Variants in IL1R1 observed in about 807,000 individuals in gnomAD.
IL1R1 encodes the protein interleukin 1 receptor type 1, also known as interleukin-1 receptor type 1.
IL1R1 carries 22 observed loss-of-function variants against 50.2 expected under a neutral mutation model. That is an observed-to-expected ratio of 0.44 (90% CI 0.31 to 0.63). The LOEUF (loss-of-function observed/expected upper bound fraction) is 0.63, where lower values mean the gene tolerates loss of function less well. Among genes scored for constraint, IL1R1 ranks in the 20% least tolerant of loss-of-function variants. IL1R1 has a pLI of 0.07. For missense variants in IL1R1, 509 were observed against 676.2 expected, an observed-to-expected ratio of 0.75 and a Z score of 2.74; for synonymous variants, 251 against 236.7, an observed-to-expected ratio of 1.06 and a Z score of -0.55.
rs1160688509 is a variant in IL1R1, at chr2:102,177,420, C to T, written c.*661C>T. 6.4e-6 allele frequency: 1 copy of T among 155,046 alleles called. No individual in the cohort carries two copies. Among genetic ancestry groups the T allele is most frequent in the Admixed American group, 6.5e-5 (1 of 15,350 alleles). 9.6% of individuals were successfully genotyped at this position (155,046 alleles called of 1,614,324 possible). ...GCCCAAGGGCGGGGCTATGCCTTGT[C>T]TGGGGACCCTGTAGAGTCACTGACC... On this transcript the variant is annotated 3_prime_UTR_variant, in exon 12 of 12. Coordinates refer to ENST00000410023, the MANE Select transcript of IL1R1 (RefSeq NM_000877.4).
rs189724783 is a variant in IL1R1 at position 102,108,667 on chromosome 2, G to A, written c.-84+3795G>A. On this transcript the variant is annotated intron_variant, in intron 1 of 10. Coordinates refer to the IL1R1 transcript ENST00000409329. ...AAAAAACCTAAATGGAGCTTTTCTAGGGGCAACTGGTTATTTATTTCGTTT... is the reference window on the plus strand; with the variant it reads ...AAAAAACCTAAATGGAGCTTTTCTAAGGGCAACTGGTTATTTATTTCGTTT... 1.7e-4 allele frequency among the ~76,000 whole-genome samples: 26 copies of A among 152,190 alleles called. 1 individual carries two copies. Among genetic ancestry groups the A allele is most frequent in the Admixed American group, 1.5e-3 (23 of 15,278 alleles).
intron 1 of IL1R1, among the ~76,000 whole-genome samples, chr2:102,080,008 G>GGTGCT: frequency 6.6e-6 from 1 of 152,076 alleles, no homozygotes; most frequent in Non-Finnish European, 1.5e-5. Context: ...CTTAATAAAA[G>GGTGCT]GTGATGGGAC....
intron 1 of IL1R1, among the ~76,000 whole-genome samples, chr2:102,112,747 G>A (rs577928299): frequency 3.3e-5 from 5 of 152,228 alleles, no homozygotes; most frequent in Admixed American, 1.3e-4. Context: ...TTTTTTAGGC[G>A]TTGGGTTTTC....
chr2:102,120,967 C>T (rs2104391741), intron 1 of IL1R1, among the ~76,000 whole-genome samples: 1 of 152,326 alleles, frequency 6.6e-6, no homozygotes, highest in Admixed American at 6.5e-5. Flanking sequence ...ACAGTTCACT[C>T]TAAATCTCAG....
chr2:102,175,097 C>CTT (rs1686007132), intron 10 of IL1R1, among the ~76,000 whole-genome samples: 1 of 148,042 alleles, frequency 6.8e-6, no homozygotes, highest in Non-Finnish European at 1.5e-5. Context: ...GGGAGGTTCT[C>CTT]TCTCTCCTTT....
At chr2:102,144,623 TACG>T (rs950615188) in intron 1 of IL1R1, among the ~76,000 whole-genome samples, 116 of 152,298 alleles carry the variant, frequency 7.6e-4, no homozygotes, top group African/African-American at 2.7e-3. Flanking sequence ...CAGCGGTGAA[TACG>T]ACAAGTGAAA....
At chr2:102,173,306 G>A (rs1361026878) in intron 9 of IL1R1, among the ~76,000 whole-genome samples, 1 of 152,152 alleles carries the variant, frequency 6.6e-6, no homozygotes, top group Non-Finnish European at 1.5e-5. Flanking sequence ...TGGGTTTCAT[G>A]AATTGGTATA....
intron 1 of IL1R1, among the ~76,000 whole-genome samples, chr2:102,080,134 T>G (rs1679143383): frequency 6.6e-6 from 1 of 152,100 alleles, no homozygotes; most frequent in Non-Finnish European, 1.5e-5. Context: ...GCAAAACTCT[T>G]AGAAGGAAAT....
intron 1 of IL1R1, among the ~76,000 whole-genome samples, chr2:102,124,683 C>T (rs535806138): frequency 2.0e-4 from 30 of 151,680 alleles, no homozygotes; most frequent in African/African-American, 6.3e-4. Flanking sequence ...TTTGAGAGGC[C>T]GAGGCAGGTG....
At chr2:102,175,388 T>C in intron 10 of IL1R1, 90 bp from the exon 11 acceptor site, 1 of 969,490 alleles carries the variant, frequency 1.0e-6, no homozygotes, top group Non-Finnish European at 1.6e-6. Flanking sequence ...AGATGAATAG[T>C]TCATTATGTA....
chr2:102,138,467 G>C (rs969657732), upstream of IL1R1, among the ~76,000 whole-genome samples: 2 of 152,154 alleles, frequency 1.3e-5, no homozygotes, highest in South Asian at 4.1e-4. Context: ...ACCGTCTTAT[G>C]AAATATGTCA....
At chr2:102,169,487 T>G (rs974592802) in intron 7 of IL1R1, among the ~76,000 whole-genome samples, 15 of 152,204 alleles carry the variant, frequency 9.9e-5, no homozygotes, top group African/African-American at 3.4e-4. Context: ...AGCACAAATA[T>G]AGAACATTTC....
intron 1 of IL1R1, among the ~76,000 whole-genome samples, chr2:102,093,671 C>A (rs547285932): frequency 6.6e-6 from 1 of 152,290 alleles, no homozygotes; most frequent in Non-Finnish European, 1.5e-5. Context: ...ATATTTCTTG[C>A]CCATTTTTCA....
chr2:102,131,585 T>C (rs531017683), intron 1 of IL1R1, among the ~76,000 whole-genome samples: 27 of 151,858 alleles, frequency 1.8e-4, no homozygotes, highest in Non-Finnish European at 3.1e-4. Context: ...ATGAGATTAA[T>C]AGCAGATTAG....
intron 1 of IL1R1, among the ~76,000 whole-genome samples, chr2:102,132,518 C>A (rs772459558): frequency 5.9e-5 from 9 of 152,016 alleles, no homozygotes; most frequent in Non-Finnish European, 1.0e-4. Flanking sequence ...ATAGCCTCCA[C>A]CTTAAGTAAC....
chr2:102,126,231 C>T (rs985611796), intron 1 of IL1R1, among the ~76,000 whole-genome samples: 6 of 152,122 alleles, frequency 3.9e-5, no homozygotes, highest in African/African-American at 1.2e-4. Flanking sequence ...TGTGTAGACA[C>T]GACTGAGCTA....
At chr2:102,107,506 G>T (rs1028003152) in intron 1 of IL1R1, among the ~76,000 whole-genome samples, 41 of 152,052 alleles carry the variant, frequency 2.7e-4, no homozygotes, top group African/African-American at 7.7e-4. Context: ...GTGGGAGGAG[G>T]GGGGAGGGAT....
intron 1 of IL1R1, among the ~76,000 whole-genome samples, chr2:102,119,901 A>T (rs1163516301): frequency 6.6e-6 from 1 of 152,156 alleles, no homozygotes; most frequent in African/African-American, 2.4e-5. Flanking sequence ...GCCCTTCAGA[A>T]CTTATTCATT....
intron 1 of IL1R1, among the ~76,000 whole-genome samples, chr2:102,096,976 G>A (rs535877836): frequency 1.1e-4 from 17 of 151,412 alleles, no homozygotes; most frequent in African/African-American, 4.1e-4. Context: ...TGAACAACGT[G>A]CATTGCCACC....
Sources: allele counts gnomAD v4.1 joint callset (sites outside exome capture counted in the v4.1 genomes callset), GRCh38; gene constraint gnomAD v4.1.1; transcripts MANE v1.5; gene names NCBI Gene and HGNC (gene_info 2026-07-23, HGNC 2026-07-21).